The following SLAMF8 variants were observed in gnomAD, a reference collection of about 807,000 sequenced individuals.
SLAMF8 encodes the protein B lymphocyte activator macrophage expressed.
A neutral mutation model predicts 29.0 loss-of-function variants in SLAMF8; 23 were observed. That is an observed-to-expected ratio of 0.79 (90% CI 0.57 to 1.13). SLAMF8 has a LOEUF of 1.13. Ranked by LOEUF, SLAMF8 falls within the 50% of genes most tolerant of loss-of-function variation. The pLI is 0.00. For synonymous variants in SLAMF8, 139 were observed against 145.6 expected (o/e 0.96, Z 0.32); for missense variants, 381 against 353.1 (o/e 1.08, Z -0.63).
chr1:159,833,205 T>C (rs1647626414), intron 3 of SLAMF8, 24 bp downstream of exon 3: 2 of 1,613,924 alleles, frequency 1.2e-6, no homozygotes, highest in South Asian at 1.1e-5. Flanking sequence ...CAGCAGTCAG[T>C]GGTTGAGGGC....
At chr1:159,834,614 A>G (rs1647774360) in intron 4 of SLAMF8, 1 of 152,360 alleles carries the variant, frequency 6.6e-6, no homozygotes, top group South Asian at 2.1e-4. Context: ...AAACATTTCT[A>G]TTACCTCCCC....
Position 159,837,356 on chromosome 1 carries a change from T to C in SLAMF8, c.*2096T>C. ...AGCATTGAGACTGATGCTTTGTAAGTCACACCACAACAAATATTGATTGAG... is the reference window on the plus strand; with the variant it reads ...AGCATTGAGACTGATGCTTTGTAAGCCACACCACAACAAATATTGATTGAG... On this transcript the variant is annotated 3_prime_UTR_variant, in exon 5 of 5. Coordinates refer to ENST00000289707, the MANE Select transcript of SLAMF8 (RefSeq NM_020125.3). 1 of 956,938 alleles carries C rather than the reference T, an allele frequency of 1.0e-6. No homozygotes were observed. The highest frequency in any genetic ancestry group is 1.2e-6 in the Non-Finnish European group (1 of 803,962). 59.3% of individuals were successfully genotyped at this position (956,938 alleles called of 1,614,324 possible). A position where few individuals can be genotyped will look rare whatever the true frequency, so the allele number is the denominator to read the frequency against.
intron 1 of SLAMF8, 37 bp downstream of exon 1, chr1:159,826,975 C>T (rs1365457118): frequency 1.2e-6 from 2 of 1,613,256 alleles, no homozygotes; most frequent in Admixed American, 3.3e-5. Flanking sequence ...CCTCGGAGAG[C>T]TGAAGGCCCC....
At position 159,835,495 on chromosome 1, in the gene SLAMF8, G is replaced by A. The variant is rs1293372017; in HGVS notation, c.*235G>A. On this transcript the variant is annotated 3_prime_UTR_variant, in exon 5 of 5. Coordinates refer to ENST00000289707, the MANE Select transcript of SLAMF8 (RefSeq NM_020125.3). Reference sequence around the variant, plus strand: ...TCTTCTCATATCCTGGCTCTTCTCTGGGCAAGATGAGCCAAGCAGAACATT... The same window carrying A: ...TCTTCTCATATCCTGGCTCTTCTCTAGGCAAGATGAGCCAAGCAGAACATT... 2 of 1,298,938 alleles carry A rather than the reference G, an allele frequency of 1.5e-6. No homozygotes were observed. Among genetic ancestry groups the A allele is most frequent in the Non-Finnish European group, 2.0e-6 (2 of 1,024,484 alleles). 80.5% of individuals were successfully genotyped at this position (1,298,938 alleles called of 1,614,324 possible). A position where few individuals can be genotyped will look rare whatever the true frequency, so the allele number is the denominator to read the frequency against.
Position 159,836,356 on chromosome 1 carries a change from T to G in SLAMF8, c.*1096T>G, listed in dbSNP as rs1219594052. 7 of 985,332 alleles carry G rather than the reference T, an allele frequency of 7.1e-6. No individual in the cohort carries two copies. The highest frequency in any genetic ancestry group is 8.4e-6 in the Non-Finnish European group (7 of 829,906). 61.0% of individuals were successfully genotyped at this position (985,332 alleles called of 1,614,324 possible). The stretch of plus-strand genomic sequence containing the variant: ...ACTCTGACTCCATCAAACTTTTTAT[T>G]GTGGCCATCTTAGGAAAATACATTC... On this transcript the variant is annotated 3_prime_UTR_variant, in exon 5 of 5. Coordinates refer to ENST00000289707, the MANE Select transcript of SLAMF8 (RefSeq NM_020125.3).
Position 159,836,213 on chromosome 1 carries a change from GT to G in SLAMF8, c.*954del, listed in dbSNP as rs1436741049. On this transcript the variant is annotated 3_prime_UTR_variant, in exon 5 of 5. Coordinates refer to ENST00000289707, the MANE Select transcript of SLAMF8 (RefSeq NM_020125.3). ...AGAAGGAACATTATGGAGAGAAAGG[GT>G]ACTGAGGCACTCTAGAATCTGCCAC... is the stretch of plus-strand genomic sequence containing the variant. 2.0e-6 allele frequency: 2 copies of G among 985,338 alleles called. No homozygotes were observed. Among genetic ancestry groups the G allele is most frequent in the Non-Finnish European group, 2.4e-6 (2 of 829,952 alleles). 61.0% of individuals were successfully genotyped at this position (985,338 alleles called of 1,614,324 possible).
In SLAMF8 at chr1:159,833,135, G is replaced by C. The variant is rs1442208014; in HGVS notation, c.627G>C (p.Trp209Cys). 6.2e-7 allele frequency: 1 copy of C among 1,614,146 alleles called. No homozygotes were observed. Among genetic ancestry groups the C allele is most frequent in the Non-Finnish European group, 8.5e-7 (1 of 1,180,030 alleles). The change falls in exon 3 of 5, where the codon TGG becomes TGC. Residue 209 changes from tryptophan to cysteine, a missense_variant. Coordinates refer to ENST00000289707, the MANE Select transcript of SLAMF8 (RefSeq NM_020125.3). Reference protein sequence around the residue: ...YSCIVSNPVSWDLATVTPWDS... With the variant: ...YSCIVSNPVSCDLATVTPWDS... ...GCATTGTCTCCAACCCTGTCAGCTG[G>C]GACTTGGCCACAGTCACGCCCTGGG...
In SLAMF8 at chr1:159,836,881, C is replaced by G; in HGVS notation, c.*1621C>G. The G allele has an allele frequency of 6.1e-6, 6 of 985,528 alleles. No homozygotes were observed. The highest frequency in any genetic ancestry group is 7.2e-6 in the Non-Finnish European group (6 of 829,996). The allele number at this position is 985,528 out of a possible 1,614,324, so 61.0% of individuals were successfully genotyped here. On this transcript the variant is annotated 3_prime_UTR_variant, in exon 5 of 5. Transcript: ENST00000289707. ...CCCCCAAGATTACCTGAACAGGGTCCATGGCCACTCAACCTGTCAGCTTGC... is the reference window on the plus strand; with the variant it reads ...CCCCCAAGATTACCTGAACAGGGTCGATGGCCACTCAACCTGTCAGCTTGC...
intron 1 of SLAMF8, among the ~76,000 whole-genome samples, chr1:159,828,756 T>A (rs772693841): frequency 3.3e-5 from 5 of 152,108 alleles, no homozygotes; most frequent in Non-Finnish European, 5.9e-5. Context: ...ATGTAACCTC[T>A]CTTGGTTACA....
chr1:159,836,168 AG>A lies in SLAMF8; in HGVS notation c.*909del. On this transcript the variant is annotated 3_prime_UTR_variant, in exon 5 of 5. Coordinates refer to ENST00000289707, the MANE Select transcript of SLAMF8 (RefSeq NM_020125.3). ...TTCCTGCCTGAAACTGAGAGAGTGAAGAACCATAAAACGCTATGCAGAAGGA... is the reference window on the plus strand; with the variant it reads ...TTCCTGCCTGAAACTGAGAGAGTGAAAACCATAAAACGCTATGCAGAAGGA... 1.0e-6 allele frequency: 1 copy of A among 985,354 alleles called. No homozygotes were observed. The highest frequency in any genetic ancestry group is 1.2e-6 in the Non-Finnish European group (1 of 829,832). 61.0% of individuals were successfully genotyped at this position (985,354 alleles called of 1,614,324 possible). A position where few individuals can be genotyped will look rare whatever the true frequency, so the allele number is the denominator to read the frequency against.
At position 159,829,887 on chromosome 1, in the gene SLAMF8, C is replaced by T. The variant is rs776722071; in HGVS notation, c.62C>T (p.Thr21Ile). Residue 21 changes from threonine (T) to isoleucine (I), a missense_variant, in exon 2 of 5, where the codon ACT (threonine) becomes ATT (isoleucine). Physicochemically the swap from Thr to Ile is moderately conservative, Grantham distance 89. Transcript: ENST00000289707. ...TCAGCCCTACTTCCCATTACAGTTA[C>T]TGGTGCCCAAGTGCTGAGCAAAGTC... ...LWEALLPITV[T>I]GAQVLSKVGG... The T allele has an allele frequency of 2.5e-6, 4 of 1,611,912 alleles. No homozygotes were observed. Among genetic ancestry groups the T allele is most frequent in the Admixed American group, 1.7e-5 (1 of 59,822 alleles).
chr1:159,829,705 C>T (rs992672251), intron 1 of SLAMF8, among the ~76,000 whole-genome samples, 161 bp from the exon 2 acceptor site: 1 of 152,192 alleles, frequency 6.6e-6, no homozygotes, highest in Admixed American at 6.5e-5. Context: ...GGGTTATCTT[C>T]CATATGTTTT....
Position 159,836,975 on chromosome 1 carries a change from G to C in SLAMF8, c.*1715G>C. The stretch of plus-strand genomic sequence containing the variant: ...ACTGAATCATGCAAAACTGGCCTCA[G>C]TCCCTAAAAATGATGTGGAAAGGAA... On this transcript the variant is annotated 3_prime_UTR_variant, in exon 5 of 5. Transcript: ENST00000289707. 1.0e-6 allele frequency: 1 copy of C among 985,424 alleles called. No homozygotes were observed. The highest frequency in any genetic ancestry group is 5.2e-4 in the Middle Eastern group (1 of 1,914). The allele number at this position is 985,424 out of a possible 1,614,324, so 61.0% of individuals were successfully genotyped here.
At chr1:159,835,129 G>A in intron 4 of SLAMF8, 55 bp from the exon 5 acceptor site, 2 of 1,566,822 alleles carry the variant, frequency 1.3e-6, no homozygotes, top group South Asian at 2.3e-5. Context: ...GCAGGCCAAG[G>A]ATTCCAAGAC....
intron 4 of SLAMF8, 144 bp from the exon 5 acceptor site, chr1:159,835,040 G>C: frequency 1.4e-6 from 1 of 690,610 alleles, no homozygotes; most frequent in Non-Finnish European, 2.4e-6. Flanking sequence ...CCCTTTCCAG[G>C]GTGTTGGAAG....
At position 159,837,332 on chromosome 1, in the gene SLAMF8, G is replaced by A; in HGVS notation, c.*2072G>A. ...TGTGAGACCAATTTTGTGCTAATGAGCATTGAGACTGATGCTTTGTAAGTC... is the reference window on the plus strand; with the variant it reads ...TGTGAGACCAATTTTGTGCTAATGAACATTGAGACTGATGCTTTGTAAGTC... On this transcript the variant is annotated 3_prime_UTR_variant, in exon 5 of 5. Transcript: ENST00000289707. The A allele has an allele frequency of 1.0e-6, 1 of 980,844 alleles. No individual in the cohort carries two copies. Among genetic ancestry groups the A allele is most frequent in the Non-Finnish European group, 1.2e-6 (1 of 825,762 alleles). 60.8% of individuals were successfully genotyped at this position (980,844 alleles called of 1,614,324 possible). A position where few individuals can be genotyped will look rare whatever the true frequency, so the allele number is the denominator to read the frequency against.
In SLAMF8 at chr1:159,833,004, C is replaced by G; in HGVS notation, c.496C>G (p.Arg166Gly). The G allele has an allele frequency of 6.2e-7, 1 of 1,614,218 alleles. No homozygotes were observed. The highest frequency in any genetic ancestry group is 8.5e-7 in the Non-Finnish European group (1 of 1,180,026). Residue 166 changes from arginine (R) to glycine (G), a missense_variant, in exon 3 of 5, where the codon CGG becomes GGG. Transcript: ENST00000289707. ...NISEITYSWR[R>G]ETTMDFGMEP... is the part of the protein sequence containing the mutation. ...CAGCGAAATAACCTATAGCTGGCGA[C>G]GGGAGACAACCATGGACTTTGGTAT...
Position 159,830,050 on chromosome 1 carries a change from C to T in SLAMF8, c.225C>T (p.Arg75=). The T allele has an allele frequency of 2.5e-6, 4 of 1,614,266 alleles. No individual in the cohort carries two copies. Among genetic ancestry groups the T allele is most frequent in the Non-Finnish European group, 3.4e-6 (4 of 1,180,046 alleles). The change falls in exon 2 of 5, where the codon CGC becomes CGT. Residue 75 remains arginine, a synonymous_variant. Transcript: ENST00000289707. ...RGSLETLYHS[R]FLGRAQLHSN... is the part of the protein sequence containing the mutation. ...CCCTGGAGACTCTGTACCATTCCCG[C>T]TTCCTGGGCCGAGCCCAGCTACACA...
At position 159,837,207 on chromosome 1, in the gene SLAMF8, G is replaced by A; in HGVS notation, c.*1947G>A. On this transcript the variant is annotated 3_prime_UTR_variant, in exon 5 of 5. Transcript: ENST00000289707. ...TAGCGTGGTGCACCAGGGCCTTGTT[G>A]AACAGATCCACACTGCTCTAATAAA... 1.0e-6 allele frequency: 1 copy of A among 984,560 alleles called. No individual in the cohort carries two copies. The highest frequency in any genetic ancestry group is 1.2e-6 in the Non-Finnish European group (1 of 829,744). The allele number at this position is 984,560 out of a possible 1,614,324, so 61.0% of individuals were successfully genotyped here. A position where few individuals can be genotyped will look rare whatever the true frequency, so the allele number is the denominator to read the frequency against.
Sources: gnomAD v4.1 joint callset for allele counts (sites outside exome capture counted in the v4.1 genomes callset) on GRCh38, gnomAD v4.1.1 for gene constraint, MANE v1.5 for transcripts, NCBI Gene and HGNC (gene_info 2026-07-23, HGNC 2026-07-21) for gene names.